Variants in HECTD4 observed in about 807,000 individuals in gnomAD.
The protein encoded by HECTD4 is HECT domain E3 ubiquitin protein ligase 4.
In HECTD4, 114 loss-of-function variants were observed where a neutral mutation model predicts 471.5. The ratio of observed to expected loss-of-function variants is 0.24; its 90% CI spans 0.21 to 0.28. The LOEUF (loss-of-function observed/expected upper bound fraction) is 0.28, where lower values mean the gene tolerates loss of function less well. HECTD4 is among the 10% of genes least tolerant of loss of function. The pLI is 1.00. For missense variants in HECTD4, 3,866 were observed against 5,651.5 expected (o/e 0.68, Z 10.13); for synonymous variants, 2,012 against 2,256.0 (o/e 0.89, Z 3.07).
chr12:112,214,885 G>A (rs1371611291), intron 48 of HECTD4, among the ~76,000 whole-genome samples: 2 of 152,154 alleles, frequency 1.3e-5, no homozygotes, highest in Non-Finnish European at 2.9e-5. Flanking sequence ...CGGGTGTGGT[G>A]GCTCACACCT....
intron 1 of HECTD4, among the ~76,000 whole-genome samples, chr12:112,370,649 C>A (rs766735865): frequency 1.3e-5 from 2 of 151,960 alleles, no homozygotes; most frequent in Non-Finnish European, 2.9e-5. Context: ...AGAATATACA[C>A]GAAAAAATTT....
chr12:112,217,320 C>CACACACACACACACAT, intron 45 of HECTD4, 125 bp from the exon 46 acceptor site: 1 of 384,272 alleles, frequency 2.6e-6, no homozygotes, highest in African/African-American at 2.1e-5. Flanking sequence ...CACACACATA[C>CACACACACACACACAT]ACACACACAC....
intron 7 of HECTD4, among the ~76,000 whole-genome samples, chr12:112,304,450 G>A (rs1384516540): frequency 1.3e-5 from 2 of 151,576 alleles, no homozygotes; most frequent in South Asian, 2.1e-4. Flanking sequence ...TTGCAGAGAC[G>A]GGGTCTCGCT....
chr12:112,265,756 G>C (rs1340803425), intron 15 of HECTD4, 122 bp downstream of exon 15: 5 of 692,816 alleles, frequency 7.2e-6, no homozygotes, highest in Non-Finnish European at 1.0e-5. Context: ...CCATGCTTTA[G>C]GTTTAACATG....
Position 112,382,042 on chromosome 12 carries a change from G to A in HECTD4, c.87C>T (p.Phe29=). The change falls in exon 1 of 76, where the codon TTC becomes TTT. Residue 29 remains phenylalanine, a synonymous_variant. Transcript: ENST00000682272. Reference sequence around the variant, plus strand: ...TGACCCGGATCAGCCCGTCGTGCAGGAAGATGGTCTCTTCCTTCACCGAGA... The same window carrying A: ...TGACCCGGATCAGCCCGTCGTGCAGAAAGATGGTCTCTTCCTTCACCGAGA... ...QWLSVKEETI[F]LHDGLIRVTD... 8.2e-7 allele frequency: 1 copy of A among 1,224,676 alleles called. No homozygotes were observed. Among genetic ancestry groups the A allele is most frequent in the Non-Finnish European group, 1.0e-6 (1 of 983,426 alleles). 75.9% of individuals were successfully genotyped at this position (1,224,676 alleles called of 1,614,324 possible). A position where few individuals can be genotyped will look rare whatever the true frequency, so the allele number is the denominator to read the frequency against.
chr12:112,305,947 G>T, intron 7 of HECTD4, 117 bp downstream of exon 7: 1 of 860,270 alleles, frequency 1.2e-6, no homozygotes, highest in East Asian at 3.0e-5. Context: ...CAATTTTAAG[G>T]AAACACTGAA....
At chr12:112,352,404 C>T (rs2036262134) in intron 1 of HECTD4, among the ~76,000 whole-genome samples, 1 of 150,896 alleles carries the variant, frequency 6.6e-6, no homozygotes, top group South Asian at 2.1e-4. Context: ...AGCACAATCT[C>T]GGCTCATTGC....
At chr12:112,325,291 T>C (rs1276327707) in intron 1 of HECTD4, among the ~76,000 whole-genome samples, 2 of 152,228 alleles carry the variant, frequency 1.3e-5, no homozygotes, top group Admixed American at 6.5e-5. Flanking sequence ...AAATATTATA[T>C]AACATACACA....
chr12:112,379,116 TAGAG>T (rs1165218709), intron 1 of HECTD4, among the ~76,000 whole-genome samples: 1 of 150,986 alleles, frequency 6.6e-6, no homozygotes, highest in African/African-American at 2.4e-5. Flanking sequence ...TAAAAGAAAA[TAGAG>T]ATTCTTCCTT....
intron 9 of HECTD4, among the ~76,000 whole-genome samples, chr12:112,278,437 A>G (rs1479105061): frequency 6.6e-6 from 1 of 152,234 alleles, no homozygotes; most frequent in East Asian, 1.9e-4. Context: ...TGAAGCCAAA[A>G]TTACACTGCT....
Position 112,162,930 on chromosome 12 carries a change from C to T in HECTD4, c.13120+112G>A, listed in dbSNP as rs545807973. On this transcript the variant is annotated intron_variant, in intron 75 of 75. Coordinates refer to ENST00000682272, the MANE Select transcript of HECTD4 (RefSeq NM_001388303.1). This position sits in a 1 kb window ranked among gnomAD's most constrained non-coding sequence, Gnocchi z 5.2. ...CCTCAATGATGTCTGAGTTTTGGCA[C>T]GTGGGGCTCCTGTTCATTGTTCTCC... 6.6e-4 allele frequency: 585 copies of T among 880,408 alleles called. 1 individual carries two copies. Among genetic ancestry groups the T allele is most frequent in the Non-Finnish European group, 9.5e-4 (529 of 559,538 alleles). 54.5% of individuals were successfully genotyped at this position (880,408 alleles called of 1,614,324 possible). A position where few individuals can be genotyped will look rare whatever the true frequency, so the allele number is the denominator to read the frequency against.
Position 112,258,076 on chromosome 12 carries a change from C to G in HECTD4, c.3128+420G>C, listed in dbSNP as rs376946078. Among the ~76,000 whole-genome samples the G allele has an allele frequency of 3.5e-4, 54 of 152,114 alleles. 2 individuals carry two copies. In the East Asian group the frequency reaches 7.7e-3, roughly 22 times the overall value. ...TGGTGGCGTACGCCTGTAATCCTAG[C>G]TACTCATGAGGCTGAGACAGGAGAA... On this transcript the variant is annotated intron_variant, in intron 20 of 75. Coordinates refer to ENST00000682272, the MANE Select transcript of HECTD4 (RefSeq NM_001388303.1).
chr12:112,226,995 T>C (rs1277261007), intron 43 of HECTD4, among the ~76,000 whole-genome samples: 2 of 152,178 alleles, frequency 1.3e-5, no homozygotes, highest in East Asian at 1.9e-4. Flanking sequence ...AGAAAAATGG[T>C]TGCCATCACC....
intron 29 of HECTD4, among the ~76,000 whole-genome samples, chr12:112,245,962 T>C (rs1001988071): frequency 4.0e-5 from 6 of 151,858 alleles, no homozygotes; most frequent in Non-Finnish European, 8.8e-5. Context: ...CAAAACCCTG[T>C]CTCTACTAAA....
chr12:112,167,049 C>G, intron 72 of HECTD4: 1 of 367,826 alleles, frequency 2.7e-6, no homozygotes, highest in East Asian at 4.7e-5. Flanking sequence ...AGCCCTTGCC[C>G]ATGGCCAGGC....
rs963272277 is a variant in HECTD4 at position 112,194,674 on chromosome 12, A to G, written c.8749+211T>C. 4.6e-5 allele frequency among the ~76,000 whole-genome samples: 7 copies of G among 152,266 alleles called. No individual in the cohort carries two copies. Among genetic ancestry groups the G allele is most frequent in the African/African-American group, 1.4e-4 (6 of 41,466 alleles). Reference sequence around the variant, plus strand: ...CGTTGGGAAACTTGATGAATGCTTAACAGAGTAATGACTCAAGTGAGTAAT... The same window carrying G: ...CGTTGGGAAACTTGATGAATGCTTAGCAGAGTAATGACTCAAGTGAGTAAT... On this transcript the variant is annotated intron_variant, in intron 56 of 75. Transcript: ENST00000682272. The surrounding 1 kb of genome is among the most constrained non-coding windows in gnomAD (Gnocchi z 4.6).
intron 1 of HECTD4, among the ~76,000 whole-genome samples, chr12:112,359,336 A>G (rs2036408085): frequency 6.6e-6 from 1 of 152,040 alleles, no homozygotes. Flanking sequence ...CAAAAAAGAA[A>G]TGCCAAAAAA....
chr12:112,218,383 A>C (rs2032991780), intron 45 of HECTD4, among the ~76,000 whole-genome samples: 1 of 152,134 alleles, frequency 6.6e-6, no homozygotes, highest in Admixed American at 6.6e-5. Context: ...TTTAGTAGTC[A>C]ATCGCCGTTC....
chr12:112,262,477 C>T (rs1047850390), intron 17 of HECTD4, among the ~76,000 whole-genome samples: 10 of 124,870 alleles, frequency 8.0e-5, no homozygotes, highest in African/African-American at 1.3e-4. Context: ...GATTGCACCA[C>T]GGCTCTCCAG....
Sources: gnomAD v4.1 joint callset for allele counts (sites outside exome capture counted in the v4.1 genomes callset) on GRCh38, gnomAD v4.1.1 for gene constraint, Gnocchi (gnomAD v3.1) non-coding constraint, MANE v1.5 for transcripts, NCBI Gene and HGNC (gene_info 2026-07-23, HGNC 2026-07-21) for gene names.